Variants in AASDH observed in about 807,000 individuals in gnomAD.
AASDH encodes beta-alanine-activating enzyme.
Under a neutral mutation model 102.3 loss-of-function variants are expected in AASDH, and 81 were observed. The observed-to-expected ratio is 0.79, with a 90% CI of 0.66 to 0.95. The LOEUF (loss-of-function observed/expected upper bound fraction) is 0.95. Ranked by LOEUF, AASDH falls within the 40% of genes least tolerant of loss-of-function variation. The probability of loss-of-function intolerance (pLI) is 0.00; values close to 1 mark genes in which losing one functional copy is unlikely to be tolerated. For missense variants in AASDH, 1,203 were observed against 1,266.2 expected (o/e 0.95, Z 0.76); for synonymous variants, 398 against 454.0 (o/e 0.88, Z 1.57).
At chr4:56,381,834 G>A (rs1297684628) in intron 3 of AASDH, 1 of 151,996 alleles carries the variant, frequency 6.6e-6, no homozygotes, top group Non-Finnish European at 1.5e-5. Flanking sequence ...AAACAATGAA[G>A]CATGGGCTGC....
At chr4:56,371,768 C>G (rs899303204) in intron 4 of AASDH, 125 bp from the exon 5 acceptor site, 2 of 843,696 alleles carry the variant, frequency 2.4e-6, no homozygotes, top group Non-Finnish European at 3.4e-6. Context: ...ATTCTTCTCT[C>G]TTAAATTAGC....
intron 4 of AASDH, among the ~76,000 whole-genome samples, chr4:56,374,722 A>T (rs956500368): frequency 2.9e-4 from 44 of 152,322 alleles, no homozygotes; most frequent in African/African-American, 9.6e-4. Context: ...CTATATGCAC[A>T]GGAATAAACT....
intron 3 of AASDH, among the ~76,000 whole-genome samples, chr4:56,379,111 T>C (rs1266563915): frequency 6.6e-6 from 1 of 152,046 alleles, no homozygotes; most frequent in East Asian, 1.9e-4. Context: ...ATGGTCTTGA[T>C]CTCTTGACCT....
rs749442540 is a variant in AASDH at position 56,349,607 on chromosome 4, T to A, written c.2144A>T (p.Asn715Ile). The change falls in exon 11 of 15, where the codon AAC becomes ATC. Residue 715 changes from asparagine to isoleucine, a missense_variant. Coordinates refer to ENST00000205214, the MANE Select transcript of AASDH (RefSeq NM_181806.4). The part of the protein sequence containing the change: ...ACPSDSVSQT[N>I]IQNLKGLNSP... ...ATTTAAGCCTTTCAAATTTTGAATGTTGGTCTGTGAAACTGAGTCAGAAGG... is the reference window on the plus strand; with the variant it reads ...ATTTAAGCCTTTCAAATTTTGAATGATGGTCTGTGAAACTGAGTCAGAAGG... 1 of 1,614,220 alleles carries A rather than the reference T, an allele frequency of 6.2e-7. No individual in the cohort carries two copies. The highest frequency in any genetic ancestry group is 8.5e-7 in the Non-Finnish European group (1 of 1,180,036).
chr4:56,354,042 T>C lies in AASDH; in HGVS notation c.1380A>G (p.Gln460=), dbSNP rs947172402. 1 of 1,608,462 alleles carries C rather than the reference T, an allele frequency of 6.2e-7. No homozygotes were observed. The highest frequency in any genetic ancestry group is 2.2e-5 in the East Asian group (1 of 44,802). The change falls in exon 8 of 15, where the codon CAA becomes CAG. Residue 460 remains glutamine, a synonymous_variant. Transcript: ENST00000205214. ...HGKRLNIELV[Q]QVAEELQQVE... ...TTCAATATTTAAATAGTTCTACCTG[T>C]TGCACAAGTTCAATGTTAAGACGTT...
chr4:56,371,716 T>C (rs902993976), intron 4 of AASDH, 73 bp from the exon 5 acceptor site: 3 of 1,371,930 alleles, frequency 2.2e-6, no homozygotes, highest in African/African-American at 3.0e-5. Flanking sequence ...AGAGTGTTCA[T>C]GTGTTTATGA....
chr4:56,338,392 C>T lies in AASDH; in HGVS notation c.*10G>A. On this transcript the variant is annotated 3_prime_UTR_variant, in exon 15 of 15. Transcript: ENST00000205214. ...CTCACATTTGTTATACAAATAAGGA[C>T]TGTATTTGATTATTTTTGATTGCCA... 8.7e-6 allele frequency: 14 copies of T among 1,609,808 alleles called. No individual in the cohort carries two copies. The highest frequency in any genetic ancestry group is 1.2e-5 in the Non-Finnish European group (14 of 1,177,300).
chr4:56,381,457 A>G (rs1217918096), intron 3 of AASDH, among the ~76,000 whole-genome samples: 3 of 152,000 alleles, frequency 2.0e-5, no homozygotes, highest in Non-Finnish European at 4.4e-5. Context: ...ATGCACCTGT[A>G]ATTCCAGCTA....
At chr4:56,353,650 C>T (rs1434518066) in intron 8 of AASDH, 54 bp from the exon 9 acceptor site, 10 of 1,444,064 alleles carry the variant, frequency 6.9e-6, no homozygotes, top group African/African-American at 4.3e-5. Flanking sequence ...AACAAGCTTC[C>T]TAAAAGCTTA....
intron 3 of AASDH, among the ~76,000 whole-genome samples, chr4:56,379,807 T>A (rs775209865): frequency 3.3e-5 from 5 of 152,102 alleles, no homozygotes; most frequent in Non-Finnish European, 5.9e-5. Context: ...ACATTGAGGA[T>A]CTGACCTGGG....
intron 4 of AASDH, among the ~76,000 whole-genome samples, chr4:56,374,367 C>CA (rs752531940): frequency 0.31 from 33,305 of 107,498 alleles, 5,513 homozygotes; most frequent in Non-Finnish European, 0.37. Context: ...GACTCTGTCT[C>CA]AGAAAAAAAA....
Position 56,349,615 on chromosome 4 carries a change from TG to T in AASDH, c.2135del (p.Ser712TyrfsTer8). 1 of 1,614,214 alleles carries T rather than the reference TG, an allele frequency of 6.2e-7. No individual in the cohort carries two copies. The highest frequency in any genetic ancestry group is 1.1e-5 in the South Asian group (1 of 91,084). On this transcript the variant is annotated frameshift_variant, in exon 11 of 15. Coordinates refer to ENST00000205214, the MANE Select transcript of AASDH (RefSeq NM_181806.4). LOFTEE classifies it high-confidence loss of function. ...CSSACPSDSV[S>X]QTNIQNLKGL... ...CTTTCAAATTTTGAATGTTGGTCTG[TG>T]AAACTGAGTCAGAAGGACAGGCTGA...
At position 56,378,275 on chromosome 4, in the gene AASDH, C is replaced by T; in HGVS notation, c.541G>A (p.Glu181Lys). ...SSEHVNEEKA[E>K]EHMDLRLKHC... is the part of the protein sequence containing the mutation. ...TTTAGCCTCAGATCCATGTGTTCTT[C>T]TGCTTTTTCTTCATTGACATGCTCA... Residue 181 changes from glutamate (E) to lysine (K), a missense_variant, in exon 4 of 15, where the codon GAA (glutamate) becomes AAA (lysine). Transcript: ENST00000205214. 6.2e-7 allele frequency: 1 copy of T among 1,614,204 alleles called. No individual in the cohort carries two copies. Among genetic ancestry groups the T allele is most frequent in the South Asian group, 1.1e-5 (1 of 91,084 alleles).
chr4:56,338,400 G>C lies in AASDH; in HGVS notation c.*2C>G, dbSNP rs2109826366. 1 of 1,611,946 alleles carries C rather than the reference G, an allele frequency of 6.2e-7. No homozygotes were observed. The highest frequency in any genetic ancestry group is 2.2e-5 in the East Asian group (1 of 44,858). On this transcript the variant is annotated 3_prime_UTR_variant, in exon 15 of 15. Coordinates refer to ENST00000205214, the MANE Select transcript of AASDH (RefSeq NM_181806.4). Reference sequence around the variant, plus strand: ...TGTTATACAAATAAGGACTGTATTTGATTATTTTTGATTGCCACCCAATAA... The same window carrying C: ...TGTTATACAAATAAGGACTGTATTTCATTATTTTTGATTGCCACCCAATAA...
chr4:56,375,208 C>A (rs1169936088), intron 4 of AASDH, among the ~76,000 whole-genome samples: 2 of 152,072 alleles, frequency 1.3e-5, no homozygotes, highest in Non-Finnish European at 2.9e-5. Context: ...CCTGCTTTGG[C>A]CACTGGAGTA....
At chr4:56,359,188 T>C (rs907626412) in intron 5 of AASDH, among the ~76,000 whole-genome samples, 1 of 151,870 alleles carries the variant, frequency 6.6e-6, no homozygotes, top group African/African-American at 2.4e-5. Flanking sequence ...TCCCCTCATA[T>C]ATGTGGCCAC....
chr4:56,386,799 CAAAAA>C (rs386400124), intron 1 of AASDH, among the ~76,000 whole-genome samples: 7 of 48,824 alleles, frequency 1.4e-4, no homozygotes, highest in African/African-American at 4.9e-4. Flanking sequence ...GACTCCGTCT[CAAAAA>C]AAAAAAAAAA....
intron 5 of AASDH, among the ~76,000 whole-genome samples, chr4:56,366,597 T>C (rs1482753091): frequency 6.6e-6 from 1 of 152,108 alleles, no homozygotes; most frequent in East Asian, 1.9e-4. Flanking sequence ...ATCCAGCATA[T>C]AAACAGAACC....
chr4:56,355,507 C>T (rs951169201), intron 5 of AASDH, 84 bp from the exon 6 acceptor site: 3 of 1,237,428 alleles, frequency 2.4e-6, no homozygotes, highest in Non-Finnish European at 2.2e-6. Flanking sequence ...TCAAAGTTAA[C>T]ATTTGGAGCC....
Sources: gnomAD v4.1 joint callset for allele counts (sites outside exome capture counted in the v4.1 genomes callset) on GRCh38, gnomAD v4.1.1 for gene constraint, MANE v1.5 for transcripts, NCBI Gene and HGNC (gene_info 2026-07-23, HGNC 2026-07-21) for gene names.